CRADD: variants seen among roughly 807,000 people sequenced by gnomAD.
CRADD encodes death domain-containing protein CRADD.
In CRADD, 9 loss-of-function variants were observed where a neutral mutation model predicts 15.5. The observed-to-expected ratio is 0.58, with a 90% CI of 0.35 to 1.01. The LOEUF (loss-of-function observed/expected upper bound fraction) is 1.01, where lower values mean the gene tolerates loss of function less well. Ranked by LOEUF, CRADD falls within the 50% of genes least tolerant of loss-of-function variation. The pLI is 0.02. For missense variants in CRADD, 227 were observed against 250.3 expected, an observed-to-expected ratio of 0.91 and a Z score of 0.63; for synonymous variants, 118 against 107.6, an observed-to-expected ratio of 1.10 and a Z score of -0.60.
chr12:93,878,993 A>C (rs912927497), intron 2 of CRADD, among the ~76,000 whole-genome samples: 1 of 152,190 alleles, frequency 6.6e-6, no homozygotes, highest in African/African-American at 2.4e-5. Context: ...CTCTGCCTCC[A>C]AATCTCCCAC....
chr12:93,700,761 G>A (rs1955826567), intron 2 of CRADD, among the ~76,000 whole-genome samples: 1 of 152,050 alleles, frequency 6.6e-6, no homozygotes, highest in Non-Finnish European at 1.5e-5. Context: ...GTGCTGTTGG[G>A]TTTTGTTTGT....
chr12:93,785,536 G>T (rs1333775713), intron 2 of CRADD, among the ~76,000 whole-genome samples: 1 of 152,126 alleles, frequency 6.6e-6, no homozygotes, highest in Non-Finnish European at 1.5e-5. Flanking sequence ...AGCTACTGCT[G>T]GCAGCTCCTG....
chr12:93,838,846 C>T (rs1354324955), intron 2 of CRADD, among the ~76,000 whole-genome samples: 1 of 151,962 alleles, frequency 6.6e-6, no homozygotes, highest in East Asian at 1.9e-4. Context: ...GCAGCCTTGA[C>T]CTCCCTGGCT....
In CRADD at chr12:93,678,759, C is replaced by T; in HGVS notation, c.-6-10C>T. On this transcript the variant is annotated splice_polypyrimidine_tract_variant and intron_variant, in intron 1 of 2. Coordinates refer to ENST00000332896, the MANE Select transcript of CRADD (RefSeq NM_003805.5). ...TCTGTAATTTGAGCTGTGATTTTGG[C>T]TCTTTCCAGGGAGAAATGGAGGCCA... The T allele has an allele frequency of 6.2e-7, 1 of 1,603,486 alleles. No homozygotes were observed. The highest frequency in any genetic ancestry group is 8.5e-7 in the Non-Finnish European group (1 of 1,174,160).
intron 2 of CRADD, among the ~76,000 whole-genome samples, chr12:93,883,059 A>C (rs1413601476): frequency 1.3e-5 from 2 of 152,220 alleles, no homozygotes; most frequent in East Asian, 3.8e-4. Context: ...AATATTCAGC[A>C]TAATTAAGCA....
chr12:93,809,933 C>T (rs1957601102), intron 2 of CRADD, among the ~76,000 whole-genome samples: 1 of 152,168 alleles, frequency 6.6e-6, no homozygotes, highest in Admixed American at 6.5e-5. Context: ...CTACAAGTGG[C>T]AGCTAAAGCA....
intron 2 of CRADD, among the ~76,000 whole-genome samples, chr12:93,733,296 T>TA (rs1956502618): frequency 6.6e-6 from 1 of 152,208 alleles, no homozygotes. Context: ...ATAAGTTATA[T>TA]AAAAATGTAT....
intron 2 of CRADD, among the ~76,000 whole-genome samples, chr12:93,784,646 C>T (rs1957255507): frequency 6.6e-6 from 1 of 151,860 alleles, no homozygotes; most frequent in African/African-American, 2.4e-5. Flanking sequence ...TGAAGTCAAG[C>T]AGAAGAGATG....
chr12:93,749,514 T>TCGTAGTAGA (rs1956806944), intron 2 of CRADD, among the ~76,000 whole-genome samples: 1 of 151,266 alleles, frequency 6.6e-6, no homozygotes. Context: ...ACTGGCAGAG[T>TCGTAGTAGA]GCTGGGCTTC....
intron 2 of CRADD, among the ~76,000 whole-genome samples, chr12:93,693,687 C>A (rs1955629088): frequency 6.6e-6 from 1 of 151,786 alleles, no homozygotes; most frequent in Non-Finnish European, 1.5e-5. Context: ...GGACAGGTTA[C>A]CCAGATAAAA....
chr12:93,723,893 G>A (rs965169195), intron 2 of CRADD, among the ~76,000 whole-genome samples: 1 of 152,120 alleles, frequency 6.6e-6, no homozygotes, highest in South Asian at 2.1e-4. Context: ...GGCTTGAGTG[G>A]GCTAGAGCTG....
intron 2 of CRADD, among the ~76,000 whole-genome samples, chr12:93,831,709 C>G (rs1957905054): frequency 1.3e-5 from 2 of 152,264 alleles, no homozygotes; most frequent in Admixed American, 6.5e-5. Flanking sequence ...TCTTAGTTCA[C>G]TGCGGTATAT....
chr12:93,773,332 C>T (rs1478084220), intron 2 of CRADD, among the ~76,000 whole-genome samples: 2 of 152,066 alleles, frequency 1.3e-5, no homozygotes, highest in Non-Finnish European at 2.9e-5. Context: ...CAGGCCTTTC[C>T]TGTGCTGTTC....
intron 2 of CRADD, among the ~76,000 whole-genome samples, chr12:93,726,936 C>G (rs1285498066): frequency 2.0e-5 from 3 of 152,186 alleles, no homozygotes; most frequent in African/African-American, 7.2e-5. Flanking sequence ...GAAGCAGGAA[C>G]CTTGAAATTG....
chr12:93,795,177 T>G (rs1392976719), intron 2 of CRADD, among the ~76,000 whole-genome samples: 1 of 152,234 alleles, frequency 6.6e-6, no homozygotes, highest in Non-Finnish European at 1.5e-5. Flanking sequence ...CCTAGAACAA[T>G]GTCTGGAACA....
chr12:93,740,419 AT>A, intron 2 of CRADD, among the ~76,000 whole-genome samples: 1 of 152,170 alleles, frequency 6.6e-6, no homozygotes, highest in East Asian at 1.9e-4. Context: ...AGCCATCTAC[AT>A]TTTTTCTATG....
intron 2 of CRADD, among the ~76,000 whole-genome samples, chr12:93,842,108 G>A (rs1958055456): frequency 7.7e-6 from 1 of 130,110 alleles, no homozygotes; most frequent in African/African-American, 2.8e-5. Context: ...AGCTATTTGT[G>A]TGTCTGCTGC....
At position 93,791,894 on chromosome 12, in the gene CRADD, GA is replaced by G. The variant is rs1342946172; in HGVS notation, c.299-58075del. On this transcript the variant is annotated intron_variant, in intron 2 of 2. Transcript: ENST00000332896. ...AGAAAACATGCAAATAGTCCTAATGGATTTTTTTTTTTTTTTTTTTTAGTCT... is the reference window on the plus strand; with the variant it reads ...AGAAAACATGCAAATAGTCCTAATGGTTTTTTTTTTTTTTTTTTTTAGTCT... Among the ~76,000 whole-genome samples, 10 of 103,216 alleles carry G rather than the reference GA, an allele frequency of 9.7e-5. No homozygotes were observed. The South Asian group carries it at 2.9e-3, about 29-fold the overall frequency. 67.7% of individuals were successfully genotyped at this position (103,216 alleles called of 152,430 possible). A position where few individuals can be genotyped will look rare whatever the true frequency, so the allele number is the denominator to read the frequency against.
intron 2 of CRADD, among the ~76,000 whole-genome samples, chr12:93,753,656 G>A (rs1333062561): frequency 6.6e-6 from 1 of 152,206 alleles, no homozygotes; most frequent in Non-Finnish European, 1.5e-5. Context: ...AAATCCAGTA[G>A]GGCAGTAATT....
Sources: allele counts gnomAD v4.1 joint callset (sites outside exome capture counted in the v4.1 genomes callset), GRCh38; gene constraint gnomAD v4.1.1; transcripts MANE v1.5; gene names NCBI Gene and HGNC (gene_info 2026-07-23, HGNC 2026-07-21).